Variants in NCALD observed in about 807,000 individuals in gnomAD.
NCALD encodes the protein neurocalcin-delta.
Under a neutral mutation model 18.6 loss-of-function variants are expected in NCALD, and 10 were observed. That is an observed-to-expected ratio of 0.54 (90% CI 0.33 to 0.91). NCALD has a LOEUF of 0.91. NCALD is among the 40% of genes least tolerant of loss of function. The pLI is 0.03. For missense variants in NCALD, 184 were observed against 247.6 expected (o/e 0.74, Z 1.72); for synonymous variants, 88 against 87.4 (o/e 1.01, Z -0.04).
intron 4 of NCALD, among the ~76,000 whole-genome samples, chr8:101,868,814 C>A (rs502334): frequency 0.26 from 39,593 of 152,170 alleles, 5,547 homozygotes; most frequent in East Asian, 0.36. Context: ...CCTTGAGCCA[C>A]TGCATGGCCC....
chr8:101,798,143 A>T (rs1218918149), intron 4 of NCALD, among the ~76,000 whole-genome samples: 1 of 152,214 alleles, frequency 6.6e-6, no homozygotes, highest in Non-Finnish European at 1.5e-5. Context: ...ACAGCATGCC[A>T]AAAGTTCTAG....
intron 1 of NCALD, among the ~76,000 whole-genome samples, chr8:101,748,907 G>A (rs13267715): frequency 0.77 from 116,535 of 152,074 alleles, 44,736 homozygotes; most frequent in East Asian, 0.84. Flanking sequence ...AAGGCCAGGG[G>A]GTGTGTGAGG....
At chr8:101,902,092 A>G (rs550281) in intron 3 of NCALD, among the ~76,000 whole-genome samples, 50,069 of 152,092 alleles carry the variant, frequency 0.33, 9,897 homozygotes, top group African/African-American at 0.54. Flanking sequence ...CACCCACTAC[A>G]TTCTTTTCTC....
chr8:102,039,124 A>C (rs1822966640), intron 1 of NCALD, among the ~76,000 whole-genome samples: 1 of 152,142 alleles, frequency 6.6e-6, no homozygotes, highest in Admixed American at 6.5e-5. Context: ...AGCCTTGATG[A>C]GGATTCACAG....
intron 4 of NCALD, among the ~76,000 whole-genome samples, chr8:101,803,950 T>C (rs1228882386): frequency 6.6e-6 from 1 of 152,128 alleles, no homozygotes; most frequent in Non-Finnish European, 1.5e-5. Context: ...AAATCCATGA[T>C]GAAAGGAAGA....
intron 2 of NCALD, among the ~76,000 whole-genome samples, chr8:101,938,744 G>C (rs1200292627): frequency 1.3e-5 from 2 of 152,164 alleles, no homozygotes; most frequent in East Asian, 3.8e-4. Context: ...TACCTATGGT[G>C]TATCCTCAAG....
At chr8:102,097,054 T>G (rs1039554481) in intron 1 of NCALD, among the ~76,000 whole-genome samples, 7 of 152,188 alleles carry the variant, frequency 4.6e-5, no homozygotes, top group Non-Finnish European at 1.0e-4. Context: ...AGTGGATGAC[T>G]TCTGGGAAAT....
At chr8:101,927,926 T>A (rs1243157608) in intron 2 of NCALD, among the ~76,000 whole-genome samples, 1 of 152,106 alleles carries the variant, frequency 6.6e-6, no homozygotes, top group African/African-American at 2.4e-5. Flanking sequence ...AACATATTTT[T>A]AAAAAACCTA....
chr8:102,001,711 G>C (rs1187037625), intron 2 of NCALD, among the ~76,000 whole-genome samples: 1 of 152,170 alleles, frequency 6.6e-6, no homozygotes, highest in Non-Finnish European at 1.5e-5. Context: ...AAGAGAGTGG[G>C]GGTCAATATT....
At chr8:101,806,958 A>G (rs1308342545) in intron 4 of NCALD, among the ~76,000 whole-genome samples, 2 of 152,134 alleles carry the variant, frequency 1.3e-5, no homozygotes, top group African/African-American at 4.8e-5. Flanking sequence ...AAGATTAACA[A>G]CTGACTTAGC....
At chr8:102,029,307 G>C (rs755562351) in intron 1 of NCALD, among the ~76,000 whole-genome samples, 10 of 152,196 alleles carry the variant, frequency 6.6e-5, no homozygotes, top group Non-Finnish European at 1.3e-4. Flanking sequence ...ACAGGCAACA[G>C]GAAGTCACTA....
chr8:101,862,435 C>A (rs1225804796), intron 4 of NCALD, among the ~76,000 whole-genome samples: 1 of 152,118 alleles, frequency 6.6e-6, no homozygotes, highest in Non-Finnish European at 1.5e-5. Context: ...ATCCATGAAG[C>A]CTCCTTAGTC....
At chr8:101,934,245 G>A (rs908075002) in intron 2 of NCALD, among the ~76,000 whole-genome samples, 5 of 152,250 alleles carry the variant, frequency 3.3e-5, no homozygotes, top group Non-Finnish European at 5.9e-5. Flanking sequence ...GTGTACTCAA[G>A]GGGCAAACAG....
At chr8:101,759,952 G>A (rs75233308) in intron 1 of NCALD, among the ~76,000 whole-genome samples, 7,990 of 152,160 alleles carry the variant, frequency 0.053, 439 homozygotes, top group African/African-American at 0.13. Flanking sequence ...AAGGGCAGTG[G>A]CGCTTGCATT....
intron 2 of NCALD, among the ~76,000 whole-genome samples, chr8:101,968,838 C>T (rs1454382538): frequency 6.6e-6 from 1 of 152,210 alleles, no homozygotes; most frequent in Non-Finnish European, 1.5e-5. Flanking sequence ...CAAAGCCCCA[C>T]AATGCATACC....
chr8:101,853,588 T>A (rs2131340171), intron 4 of NCALD, among the ~76,000 whole-genome samples: 1 of 152,264 alleles, frequency 6.6e-6, no homozygotes, highest in Non-Finnish European at 1.5e-5. Context: ...AAGAAAATGG[T>A]TCTCCCTGTG....
chr8:101,875,105 C>T (rs866887844), intron 4 of NCALD, among the ~76,000 whole-genome samples: 1 of 152,346 alleles, frequency 6.6e-6, no homozygotes, highest in Middle Eastern at 3.4e-3. Flanking sequence ...TCTAGACAGT[C>T]TGACCAACTT....
At chr8:102,109,492 C>A (rs1192097064) in intron 1 of NCALD, among the ~76,000 whole-genome samples, 2 of 152,112 alleles carry the variant, frequency 1.3e-5, no homozygotes, top group Admixed American at 6.5e-5. Flanking sequence ...AGCTGAGTAG[C>A]AAACCCTGTC....
chr8:101,999,770 C>T lies in NCALD; in HGVS notation c.-157+20467G>A, dbSNP rs150532483. ...AAAATAAAATAATAACATTCAAGTG[C>T]TTATTCCTTTGCAATTACAAAAAAA... On this transcript the variant is annotated intron_variant, in intron 2 of 6. Transcript: ENST00000311028. 2.0e-3 allele frequency among the ~76,000 whole-genome samples: 302 copies of T among 151,240 alleles called. 2 individuals carry two copies. Among genetic ancestry groups the T allele is most frequent in the African/African-American group, 6.9e-3 (283 of 40,834 alleles).
Sources: gnomAD v4.1 joint callset for allele counts (sites outside exome capture counted in the v4.1 genomes callset) on GRCh38, gnomAD v4.1.1 for gene constraint, MANE v1.5 for transcripts, NCBI Gene and HGNC (gene_info 2026-07-23, HGNC 2026-07-21) for gene names.